The following LEUTX variants were observed in gnomAD, a reference collection of about 807,000 sequenced individuals.
The protein encoded by LEUTX is paired-like homeodomain transcription factor LEUTX.
A neutral mutation model predicts 4.5 loss-of-function variants in LEUTX; 5 were observed. That is an observed-to-expected ratio of 1.11 (90% CI 0.58 to 2.34). The LOEUF is 2.34. Among genes scored for constraint, LEUTX ranks in the 30% most tolerant of loss-of-function variants. The pLI, the probability that LEUTX is intolerant of heterozygous loss-of-function variation, is 0.01. For missense variants in LEUTX, 233 were observed against 239.4 expected, an observed-to-expected ratio of 0.97 and a Z score of 0.18; for synonymous variants, 89 against 85.1, an observed-to-expected ratio of 1.05 and a Z score of -0.25.
chr19:39,785,643 G>A (rs1967955425), intron 2 of LEUTX, 55 bp from the exon 3 acceptor site: 2 of 1,365,522 alleles, frequency 1.5e-6, no homozygotes, highest in Non-Finnish European at 2.0e-6. Context: ...GGAACATGAG[G>A]ATGCCCCTTT....
intron 1 of LEUTX, among the ~76,000 whole-genome samples, chr19:39,782,416 C>T (rs1967900349): frequency 6.6e-6 from 1 of 152,158 alleles, no homozygotes; most frequent in African/African-American, 2.4e-5. Flanking sequence ...CCCTCTCTTG[C>T]TTGCCACCAC....
upstream of LEUTX, among the ~76,000 whole-genome samples, chr19:39,776,829 C>A (rs1409993435): frequency 6.6e-6 from 1 of 151,346 alleles, no homozygotes. Context: ...TGCACTGAGC[C>A]GAGATCACAC....
intron 1 of LEUTX, among the ~76,000 whole-genome samples, chr19:39,783,771 A>G (rs1967923204): frequency 6.6e-6 from 1 of 151,514 alleles, no homozygotes; most frequent in Non-Finnish European, 1.5e-5. Flanking sequence ...CCATTTGTAT[A>G]TCTTTTGAGA....
At chr19:39,780,287 T>C (rs1266410924) in intron 1 of LEUTX, among the ~76,000 whole-genome samples, 12 of 152,202 alleles carry the variant, frequency 7.9e-5, no homozygotes, top group Non-Finnish European at 1.5e-5. Flanking sequence ...TTACCTCCTA[T>C]AACTTATCAA....
Position 39,786,213 on chromosome 19 carries a change from C to T in LEUTX, c.*78C>T, listed in dbSNP as rs149172013. 42 of 1,156,848 alleles carry T rather than the reference C, an allele frequency of 3.6e-5. No homozygotes were observed. Among genetic ancestry groups the T allele is most frequent in the Non-Finnish European group, 4.9e-5 (41 of 835,692 alleles). The allele number at this position is 1,156,848 out of a possible 1,614,324, so 71.7% of individuals were successfully genotyped here. A position where few individuals can be genotyped will look rare whatever the true frequency, so the allele number is the denominator to read the frequency against. ...TTTCCACACATCTTTAATGGTTTGA[C>T]CCCAGTCTAAGTAGATCAGGGGCTG... On this transcript the variant is annotated 3_prime_UTR_variant, in exon 3 of 3. Transcript: ENST00000638280.
upstream of LEUTX, among the ~76,000 whole-genome samples, chr19:39,777,658 C>G (rs140698024): frequency 6.6e-6 from 1 of 152,174 alleles, no homozygotes; most frequent in East Asian, 1.9e-4. Context: ...GAATTTTATT[C>G]CTGTAAAAGA....
chr19:39,781,107 T>G (rs1967879872), intron 1 of LEUTX, among the ~76,000 whole-genome samples: 1 of 152,124 alleles, frequency 6.6e-6, no homozygotes, highest in Non-Finnish European at 1.5e-5. Flanking sequence ...TCTCTCTGTC[T>G]CTCCCTCTCT....
At chr19:39,784,883 T>C (rs1967941043) in intron 2 of LEUTX, among the ~76,000 whole-genome samples, 1 of 152,204 alleles carries the variant, frequency 6.6e-6, no homozygotes, top group Non-Finnish European at 1.5e-5. Context: ...CCAAGCATTA[T>C]AAACACAAGA....
Position 39,785,732 on chromosome 19 carries a change from G to A in LEUTX, c.194G>A (p.Arg65Lys). 1 of 1,551,750 alleles carries A rather than the reference G, an allele frequency of 6.4e-7. No homozygotes were observed. The highest frequency in any genetic ancestry group is 8.7e-7 in the Non-Finnish European group (1 of 1,146,998). Residue 65 changes from arginine to lysine, a missense_variant, in exon 3 of 3, where the codon AGG becomes AAG. Coordinates refer to ENST00000638280, the MANE Select transcript of LEUTX (RefSeq NM_001382345.1). ...AAGAACCAGCGTGCCAAATGGAAGA[G>A]GCAGCAGCGGCAGCAAATGCAGACA... ...WFKNQRAKWK[R>K]QQRQQMQTRP...
intron 1 of LEUTX, among the ~76,000 whole-genome samples, chr19:39,779,341 C>A (rs574160792): frequency 1.1e-4 from 16 of 152,144 alleles, no homozygotes; most frequent in Non-Finnish European, 2.1e-4. Context: ...TGGTAACTTT[C>A]ATACTTTTTA....
intron 1 of LEUTX, among the ~76,000 whole-genome samples, chr19:39,779,678 A>G (rs1967855428): frequency 6.6e-6 from 1 of 152,328 alleles, no homozygotes; most frequent in Non-Finnish European, 1.5e-5. Context: ...GATATTTATC[A>G]ACATTTTCCT....
chr19:39,782,367 G>A (rs540192875), intron 1 of LEUTX, among the ~76,000 whole-genome samples: 1 of 152,160 alleles, frequency 6.6e-6, no homozygotes, highest in African/African-American at 2.4e-5. Flanking sequence ...AAGATCTGAT[G>A]GTTTTATAAG....
chr19:39,785,925 C>T lies in LEUTX; in HGVS notation c.387C>T (p.Ala129=), dbSNP rs1228309124. Reference sequence around the variant, plus strand: ...TCAAGAATCCTGGAGGAGCCAGCGCCTCTGCGAGGGTTTCATCCTGGGATT... The same window carrying T: ...TCAAGAATCCTGGAGGAGCCAGCGCTTCTGCGAGGGTTTCATCCTGGGATT... ...SGIKNPGGAS[A]SARVSSWDSQ... Residue 129 remains alanine, a synonymous_variant, in exon 3 of 3, where the codon GCC becomes GCT. Transcript: ENST00000638280. 4 of 1,551,670 alleles carry T rather than the reference C, an allele frequency of 2.6e-6. No homozygotes were observed. Among genetic ancestry groups the T allele is most frequent in the African/African-American group, 2.7e-5 (2 of 73,070 alleles).
At chr19:39,776,662 G>A (rs1486710831), upstream of LEUTX, 5 of 455,996 alleles carry the variant, frequency 1.1e-5, no homozygotes, top group East Asian at 2.8e-4. Flanking sequence ...GGAATCTCAA[G>A]CAACTTTCTC....
At chr19:39,782,338 G>T (rs1967899042) in intron 1 of LEUTX, among the ~76,000 whole-genome samples, 1 of 152,106 alleles carries the variant, frequency 6.6e-6, no homozygotes, top group South Asian at 2.1e-4. Flanking sequence ...CGGTGCTCAT[G>T]GTAATGAATA....
At chr19:39,783,675 AT>A (rs1210436390) in intron 1 of LEUTX, among the ~76,000 whole-genome samples, 2 of 149,954 alleles carry the variant, frequency 1.3e-5, no homozygotes, top group Admixed American at 6.6e-5. Context: ...ATTTTTTTTT[AT>A]TTTTTTTATT....
upstream of LEUTX, among the ~76,000 whole-genome samples, chr19:39,777,356 G>A (rs1378984745): frequency 6.6e-6 from 1 of 152,100 alleles, no homozygotes; most frequent in African/African-American, 2.4e-5. Flanking sequence ...TTCTATTTTT[G>A]TAAATCCCAA....
intron 1 of LEUTX, among the ~76,000 whole-genome samples, chr19:39,782,760 GT>G (rs1967905111): frequency 6.6e-6 from 1 of 152,244 alleles, no homozygotes; most frequent in Non-Finnish European, 1.5e-5. Flanking sequence ...CAGCAAGAGA[GT>G]GAGGAGTGGG....
Position 39,779,637 on chromosome 19 carries a change from G to A in LEUTX, c.7+710G>A, listed in dbSNP as rs761730327. Among the ~76,000 whole-genome samples the A allele has an allele frequency of 1.3e-4, 20 of 152,080 alleles. 1 individual carries two copies. Among genetic ancestry groups the A allele is most frequent in the South Asian group, 1.0e-3 (5 of 4,826 alleles). On this transcript the variant is annotated intron_variant, in intron 1 of 2. Transcript: ENST00000638280. Reference sequence around the variant, plus strand: ...GTTTTTCAATTTACTTATGAGTACCGTTGTACAAATATTCTAAAAGTTGTC... The same window carrying A: ...GTTTTTCAATTTACTTATGAGTACCATTGTACAAATATTCTAAAAGTTGTC...
Sources: allele counts gnomAD v4.1 joint callset (sites outside exome capture counted in the v4.1 genomes callset), GRCh38; gene constraint gnomAD v4.1.1; transcripts MANE v1.5; gene names NCBI Gene and HGNC (gene_info 2026-07-23, HGNC 2026-07-21).